CMTM4: variants seen among roughly 807,000 people sequenced by gnomAD.
CMTM4 encodes the protein CKLF like MARVEL transmembrane domain containing 4.
In CMTM4, 8 loss-of-function variants were observed where a neutral mutation model predicts 19.0. The ratio of observed to expected loss-of-function variants is 0.42; its 90% CI spans 0.25 to 0.76. The LOEUF (loss-of-function observed/expected upper bound fraction) is 0.76, where lower values mean the gene tolerates loss of function less well. Ranked by LOEUF, CMTM4 falls within the 30% of genes least tolerant of loss-of-function variation. The probability of loss-of-function intolerance (pLI) is 0.27; values close to 1 mark genes in which losing one functional copy is unlikely to be tolerated. For synonymous variants in CMTM4, 106 were observed against 121.1 expected, an observed-to-expected ratio of 0.88 and a Z score of 0.82; for missense variants, 228 against 290.2, an observed-to-expected ratio of 0.79 and a Z score of 1.56.
Position 66,618,342 on chromosome 16 carries a change from C to T in CMTM4, c.*3716G>A, listed in dbSNP as rs355944. ...AGGCAGTGGCACAAAGACTTCATGA[C>T]TGTTTTGTTTTGAACACAGATGAGA... On this transcript the variant is annotated 3_prime_UTR_variant, in exon 4 of 4. Coordinates refer to ENST00000394106, the MANE Select transcript of CMTM4 (RefSeq NM_181521.3). The T allele has an allele frequency of 0.076, 75,194 of 985,310 alleles. 3,806 individuals are homozygous for T. Among genetic ancestry groups the T allele is most frequent in the East Asian group, 0.28 (2,505 of 8,800 alleles). 61.0% of individuals were successfully genotyped at this position (985,310 alleles called of 1,614,324 possible). A position where few individuals can be genotyped will look rare whatever the true frequency, so the allele number is the denominator to read the frequency against.
chr16:66,652,837 G>A lies in CMTM4; in HGVS notation c.187-16256C>T, dbSNP rs141074878. Among the ~76,000 whole-genome samples the A allele has an allele frequency of 7.2e-5, 11 of 152,228 alleles. No individual in the cohort carries two copies. In the East Asian group the frequency reaches 2.1e-3, roughly 29 times the overall value. On this transcript the variant is annotated intron_variant, in intron 1 of 3. Transcript: ENST00000394106. ...ACATGATTTCAGAAAACCACAGGAC[G>A]GTCAGCATCTTTCTTGCCAAGAGAT...
At chr16:66,674,436 A>G (rs1172394425) in intron 1 of CMTM4, among the ~76,000 whole-genome samples, 1 of 152,180 alleles carries the variant, frequency 6.6e-6, no homozygotes, top group Non-Finnish European at 1.5e-5. Context: ...CCCTCGGTGC[A>G]CACACCCAGA....
At chr16:66,660,928 C>A (rs186298103) in intron 1 of CMTM4, among the ~76,000 whole-genome samples, 2 of 152,108 alleles carry the variant, frequency 1.3e-5, no homozygotes, top group South Asian at 4.1e-4. Context: ...TCTCCGGAAT[C>A]GCGTCTAGCT....
chr16:66,683,201 A>ATACGTATATATATATATATGTG (rs2016970564), intron 1 of CMTM4, among the ~76,000 whole-genome samples: 1 of 133,796 alleles, frequency 7.5e-6, no homozygotes, highest in Admixed American at 7.9e-5. Flanking sequence ...ATACATATAT[A>ATACGTATATATATATATATGTG]TATATATATA....
chr16:66,686,448 C>G (rs1038620776), intron 1 of CMTM4, among the ~76,000 whole-genome samples: 4 of 147,730 alleles, frequency 2.7e-5, no homozygotes, highest in Non-Finnish European at 4.4e-5. Context: ...ACTCAGGAGG[C>G]GGAGGCAGGA....
chr16:66,688,534 A>G lies in CMTM4; in HGVS notation c.186+7806T>C, dbSNP rs1040142618. 2.0e-5 allele frequency among the ~76,000 whole-genome samples: 3 copies of G among 151,658 alleles called. No homozygotes were observed. The East Asian group carries it at 5.8e-4, about 29-fold the overall frequency. On this transcript the variant is annotated intron_variant, in intron 1 of 3. Coordinates refer to ENST00000394106, the MANE Select transcript of CMTM4 (RefSeq NM_181521.3). ...CTCAGAAACACTCCCCTCAACACACACACACACACACACACACATTCTACC... is the reference window on the plus strand; with the variant it reads ...CTCAGAAACACTCCCCTCAACACACGCACACACACACACACACATTCTACC...
chr16:66,605,207 A>T, the CMTM4 span: 2 of 352,982 alleles, frequency 5.7e-6, no homozygotes, highest in Non-Finnish European at 5.1e-6. This position sits in a 1 kb window ranked among gnomAD's most constrained non-coding sequence, Gnocchi z 4.6. Flanking sequence ...GGCCGTGGGA[A>T]GTGGGTGGGG....
At position 66,666,314 on chromosome 16, in the gene CMTM4, G is replaced by A. The variant is rs1483808375; in HGVS notation, c.187-29733C>T. Among the ~76,000 whole-genome samples the A allele has an allele frequency of 1.1e-4, 16 of 151,120 alleles. No individual in the cohort carries two copies. The South Asian group carries it at 1.5e-3, about 14-fold the overall frequency. On this transcript the variant is annotated intron_variant, in intron 1 of 3. Transcript: ENST00000394106. ...AAAAATACAAAAAAATTAGCCAGGCGTCATGGCGGGCGCCTGTAGTCCCAG... is the reference window on the plus strand; with the variant it reads ...AAAAATACAAAAAAATTAGCCAGGCATCATGGCGGGCGCCTGTAGTCCCAG...
chr16:66,634,498 G>A (rs72790458), intron 2 of CMTM4, among the ~76,000 whole-genome samples: 6,638 of 151,696 alleles, frequency 0.044, 266 homozygotes, highest in East Asian at 0.16. Flanking sequence ...GGGGATAAAC[G>A]CTGGTATAAA....
intron 1 of CMTM4, among the ~76,000 whole-genome samples, chr16:66,651,495 C>G (rs572928925): frequency 6.6e-6 from 1 of 152,182 alleles, no homozygotes; most frequent in Non-Finnish European, 1.5e-5. Flanking sequence ...GATCCTCACA[C>G]CCCGACTCAG....
At position 66,696,440 on chromosome 16, in the gene CMTM4, G is replaced by A; in HGVS notation, c.86C>T (p.Pro29Leu). The A allele has an allele frequency of 7.4e-7, 1 of 1,358,678 alleles. No homozygotes were observed. Among genetic ancestry groups the A allele is most frequent in the Non-Finnish European group, 9.5e-7 (1 of 1,055,212 alleles). 84.2% of individuals were successfully genotyped at this position (1,358,678 alleles called of 1,614,324 possible). A position where few individuals can be genotyped will look rare whatever the true frequency, so the allele number is the denominator to read the frequency against. Residue 29 changes from proline to leucine, a missense_variant, in exon 1 of 4, where the codon CCC becomes CTC. This residue lies in a region of CMTM4 where 21 missense variants were observed against 43.1 expected (regional missense o/e 0.49). Coordinates refer to ENST00000394106, the MANE Select transcript of CMTM4 (RefSeq NM_181521.3). This position sits in a 1 kb window ranked among gnomAD's most constrained non-coding sequence, Gnocchi z 4.3. ...MISGASSPYQ[P>L]TTEPVSQRRG... ...GCGCTGGCTCACCGGCTCGGTGGTG[G>A]GCTGGTACGGGCTGCTGGCGCCCGA... is the stretch of plus-strand genomic sequence containing the variant.
At chr16:66,630,920 G>A (rs1399351630) in intron 2 of CMTM4, among the ~76,000 whole-genome samples, 1 of 151,726 alleles carries the variant, frequency 6.6e-6, no homozygotes, top group Non-Finnish European at 1.5e-5. Context: ...GCCCCGTCTG[G>A]GATGTGAGGA....
chr16:66,617,705 G>C lies in CMTM4; in HGVS notation c.*4353C>G. ...AAACACAAGATTCTACAAAGCGCCA[G>C]GGAAGTTTACAAAGCTAAAAGCTGA... is the stretch of plus-strand genomic sequence containing the variant. On this transcript the variant is annotated 3_prime_UTR_variant, in exon 4 of 4. Transcript: ENST00000394106. The C allele has an allele frequency of 4.8e-6, 5 of 1,045,898 alleles. No homozygotes were observed. The highest frequency in any genetic ancestry group is 5.8e-6 in the Non-Finnish European group (5 of 867,536). 64.8% of individuals were successfully genotyped at this position (1,045,898 alleles called of 1,614,324 possible).
At chr16:66,610,283 C>A (rs921210998), downstream of CMTM4, among the ~76,000 whole-genome samples, 7 of 152,162 alleles carry the variant, frequency 4.6e-5, no homozygotes, top group Non-Finnish European at 8.8e-5. This position sits in a 1 kb window ranked among gnomAD's most constrained non-coding sequence, Gnocchi z 4.6. Flanking sequence ...CCCCCCTGGG[C>A]AGCCAGTCAC....
intron 1 of CMTM4, among the ~76,000 whole-genome samples, chr16:66,658,067 TA>T (rs1278466181): frequency 6.6e-6 from 1 of 152,018 alleles, no homozygotes; most frequent in African/African-American, 2.4e-5. Context: ...CAAAAAATAT[TA>T]AAAAATTAAA....
chr16:66,604,939 T>C, the CMTM4 span: 1 of 1,503,000 alleles, frequency 6.7e-7, no homozygotes, highest in African/African-American at 1.4e-5. Context: ...GGCCGCCTCC[T>C]GCTGGCCGAG....
downstream of CMTM4, chr16:66,612,463 C>T: frequency 1.3e-6 from 1 of 744,170 alleles, no homozygotes; most frequent in Non-Finnish European, 2.2e-6. This position sits in a 1 kb window ranked among gnomAD's most constrained non-coding sequence, Gnocchi z 6.0. Flanking sequence ...GCCCTGATGC[C>T]AGCGATCACT....
chr16:66,658,090 C>T (rs936547242), intron 1 of CMTM4, among the ~76,000 whole-genome samples: 4 of 151,968 alleles, frequency 2.6e-5, no homozygotes, highest in African/African-American at 7.3e-5. Flanking sequence ...ATTAGCTGGA[C>T]GTTGTGATAC....
downstream of CMTM4, chr16:66,614,605 G>T (rs377289744): frequency 3.3e-5 from 5 of 152,162 alleles, no homozygotes; most frequent in Admixed American, 1.3e-4. The surrounding 1 kb of genome is among the most constrained non-coding windows in gnomAD (Gnocchi z 4.9). Flanking sequence ...CTGGCAAAGC[G>T]GCAAAGCTGG....
Sources: gnomAD v4.1 joint callset for allele counts (sites outside exome capture counted in the v4.1 genomes callset) on GRCh38, gnomAD v4.1.1 for gene constraint, gnomAD v4.1.1 regional missense constraint, Gnocchi (gnomAD v3.1) non-coding constraint, MANE v1.5 for transcripts, NCBI Gene and HGNC (gene_info 2026-07-23, HGNC 2026-07-21) for gene names.